UBASH3B: variants seen among roughly 807,000 people sequenced by gnomAD.
UBASH3B encodes the protein ubiquitin-associated and SH3 domain-containing protein B.
In UBASH3B, 37 loss-of-function variants were observed where a neutral mutation model predicts 83.4. The observed-to-expected ratio is 0.44, with a 90% CI of 0.34 to 0.58. The LOEUF (loss-of-function observed/expected upper bound fraction) is 0.58, where lower values mean the gene tolerates loss of function less well. UBASH3B is among the 20% of genes least tolerant of loss of function. UBASH3B has a pLI of 0.01. For missense variants in UBASH3B, 657 were observed against 827.2 expected, an observed-to-expected ratio of 0.79 and a Z score of 2.52; for synonymous variants, 304 against 318.3, an observed-to-expected ratio of 0.96 and a Z score of 0.48.
intron 1 of UBASH3B, among the ~76,000 whole-genome samples, chr11:122,762,676 C>T (rs187375942): frequency 4.6e-5 from 7 of 152,332 alleles, no homozygotes; most frequent in Non-Finnish European, 7.3e-5. Flanking sequence ...CACCCGTTCC[C>T]GGATGGTTTC....
chr11:122,749,595 T>C (rs1861169728), intron 1 of UBASH3B, among the ~76,000 whole-genome samples: 1 of 152,212 alleles, frequency 6.6e-6, no homozygotes, highest in Non-Finnish European at 1.5e-5. Flanking sequence ...ACCAAGGGCC[T>C]CACAGCTAGT....
intron 1 of UBASH3B, among the ~76,000 whole-genome samples, chr11:122,739,377 G>C (rs1860988506): frequency 6.6e-6 from 1 of 152,174 alleles, no homozygotes; most frequent in Non-Finnish European, 1.5e-5. Context: ...ATTTAACCTT[G>C]GCTAGGTCAC....
chr11:122,797,134 C>A, intron 9 of UBASH3B, 101 bp downstream of exon 9: 1 of 1,448,998 alleles, frequency 6.9e-7, no homozygotes, highest in Non-Finnish European at 9.3e-7. Flanking sequence ...GTTTCTATAA[C>A]TTTCCTACAA....
At chr11:122,716,345 T>C (rs1485063218) in intron 1 of UBASH3B, among the ~76,000 whole-genome samples, 1 of 152,238 alleles carries the variant, frequency 6.6e-6, no homozygotes, top group African/African-American at 2.4e-5. Context: ...GCTAATTTTT[T>C]TGTATTTTTA....
chr11:122,687,528 C>A (rs1036731589), intron 1 of UBASH3B, among the ~76,000 whole-genome samples: 18 of 152,200 alleles, frequency 1.2e-4, no homozygotes, highest in African/African-American at 4.3e-4. Flanking sequence ...ATTGGGGGGG[C>A]AGATGAGTGA....
chr11:122,713,347 G>T (rs186666536), intron 1 of UBASH3B, among the ~76,000 whole-genome samples: 38 of 152,278 alleles, frequency 2.5e-4, no homozygotes, highest in Non-Finnish European at 5.3e-4. Context: ...AAAAAGCCAT[G>T]TGGTCAGCTG....
intron 1 of UBASH3B, among the ~76,000 whole-genome samples, chr11:122,715,302 A>G (rs1412436903): frequency 6.6e-6 from 1 of 152,110 alleles, no homozygotes; most frequent in Non-Finnish European, 1.5e-5. Context: ...TTAAGATGTC[A>G]TGTCTTATTA....
intron 5 of UBASH3B, among the ~76,000 whole-genome samples, chr11:122,785,380 C>G (rs1417005967): frequency 6.6e-6 from 1 of 152,126 alleles, no homozygotes; most frequent in Non-Finnish European, 1.5e-5. Flanking sequence ...CCCCAGGAGG[C>G]AGTTTTGATT....
chr11:122,768,514 A>G (rs1440664735), intron 1 of UBASH3B, among the ~76,000 whole-genome samples: 81 of 116,794 alleles, frequency 6.9e-4, no homozygotes, highest in African/African-American at 2.3e-3. Context: ...GTGTGTATAT[A>G]TATATATTTG....
chr11:122,681,274 G>C (rs572881870), intron 1 of UBASH3B, among the ~76,000 whole-genome samples: 2 of 152,242 alleles, frequency 1.3e-5, no homozygotes, highest in South Asian at 4.1e-4. Context: ...AATCCAAGAC[G>C]TTGATTTCTT....
intron 1 of UBASH3B, among the ~76,000 whole-genome samples, chr11:122,691,005 A>G (rs967053568): frequency 6.6e-6 from 1 of 152,212 alleles, no homozygotes; most frequent in Non-Finnish European, 1.5e-5. Flanking sequence ...GTAGCGGTAA[A>G]GCCAGAACCA....
intron 6 of UBASH3B, among the ~76,000 whole-genome samples, chr11:122,793,324 A>C (rs1861093720): frequency 6.6e-6 from 1 of 152,214 alleles, no homozygotes; most frequent in Non-Finnish European, 1.5e-5. Context: ...TGGAGGTTGC[A>C]GTGAGCCCAG....
At chr11:122,761,341 C>T (rs1381529603) in intron 1 of UBASH3B, among the ~76,000 whole-genome samples, 1 of 152,206 alleles carries the variant, frequency 6.6e-6, no homozygotes, top group Non-Finnish European at 1.5e-5. Flanking sequence ...CATGGTGGCA[C>T]ACACCTGTAG....
intron 1 of UBASH3B, among the ~76,000 whole-genome samples, chr11:122,734,210 G>A (rs1413506858): frequency 1.3e-5 from 2 of 152,148 alleles, no homozygotes; most frequent in Non-Finnish European, 2.9e-5. Flanking sequence ...CCTCCCTTAA[G>A]ATTTGTACTT....
At chr11:122,692,428 A>G (rs1863907769) in intron 1 of UBASH3B, among the ~76,000 whole-genome samples, 1 of 152,234 alleles carries the variant, frequency 6.6e-6, no homozygotes, top group Non-Finnish European at 1.5e-5. Flanking sequence ...GGACACAAAA[A>G]CAAGAAGCTC....
chr11:122,736,991 T>C (rs1405199057), intron 1 of UBASH3B, among the ~76,000 whole-genome samples: 1 of 152,138 alleles, frequency 6.6e-6, no homozygotes, highest in African/African-American at 2.4e-5. Flanking sequence ...GAGATATTAC[T>C]GTAGGGAAGG....
At position 122,756,916 on chromosome 11, in the gene UBASH3B, G is replaced by A. The variant is rs188130335; in HGVS notation, c.162-19303G>A. Among the ~76,000 whole-genome samples, 59 of 152,330 alleles carry A rather than the reference G, an allele frequency of 3.9e-4. No homozygotes were observed. The East Asian group carries it at 9.5e-3, about 24-fold the overall frequency. ...AAGAGCACAATTTGGGGAGTTAGGAGACCTGGCTTCCTGTCCCCATCAAAT... is the reference window on the plus strand; with the variant it reads ...AAGAGCACAATTTGGGGAGTTAGGAAACCTGGCTTCCTGTCCCCATCAAAT... On this transcript the variant is annotated intron_variant, in intron 1 of 13. Transcript: ENST00000284273.
intron 1 of UBASH3B, among the ~76,000 whole-genome samples, chr11:122,735,308 C>T (rs562753530): frequency 6.6e-5 from 10 of 152,314 alleles, no homozygotes; most frequent in African/African-American, 1.9e-4. Flanking sequence ...ATGAAATTTA[C>T]AGTCCCGAAC....
Position 122,808,137 on chromosome 11 carries a change from A to G in UBASH3B, c.1773A>G (p.Ser591=), listed in dbSNP as rs1861373979. ...EACTCQLQGL[S]PQNSKDFVQM... ...GTACCTGCCAACTTCAGGGCCTGTC[A>G]CCTCAGAACTCCAAGGACTTCGTAC... Residue 591 remains serine, a synonymous_variant, in exon 13 of 14, where the codon TCA becomes TCG. Coordinates refer to ENST00000284273, the MANE Select transcript of UBASH3B (RefSeq NM_032873.5). 1 of 1,614,140 alleles carries G rather than the reference A, an allele frequency of 6.2e-7. No homozygotes were observed. Among genetic ancestry groups the G allele is most frequent in the Non-Finnish European group, 8.5e-7 (1 of 1,180,014 alleles).
Sources: gnomAD v4.1 joint callset for allele counts (sites outside exome capture counted in the v4.1 genomes callset) on GRCh38, gnomAD v4.1.1 for gene constraint, MANE v1.5 for transcripts, NCBI Gene and HGNC (gene_info 2026-07-23, HGNC 2026-07-21) for gene names.